Variants in GRK4 observed in about 807,000 individuals in gnomAD.
The protein encoded by GRK4 is G protein-coupled receptor kinase 4, also known as G protein-coupled receptor kinase 2-like.
In GRK4, 73 loss-of-function variants were observed where a neutral mutation model predicts 77.9. The ratio of observed to expected loss-of-function variants is 0.94; its 90% CI spans 0.78 to 1.14. The LOEUF (loss-of-function observed/expected upper bound fraction) is 1.14. GRK4 is among the 50% of genes most tolerant of loss of function. GRK4 has a pLI of 0.00. For missense variants in GRK4, 729 were observed against 700.2 expected, an observed-to-expected ratio of 1.04 and a Z score of -0.46; for synonymous variants, 257 against 254.4, an observed-to-expected ratio of 1.01 and a Z score of -0.10.
intron 9 of GRK4, among the ~76,000 whole-genome samples, chr4:3,020,703 A>G (rs1322572266): frequency 2.6e-5 from 4 of 152,124 alleles, no homozygotes; most frequent in African/African-American, 9.7e-5. Context: ...TGCCAGTTAT[A>G]GTCGGTCCCC....
intron 1 of GRK4, chr4:2,969,209 C>T (rs1718697079): frequency 2.0e-5 from 3 of 152,256 alleles, no homozygotes. Flanking sequence ...CTCAAAGTTG[C>T]CTTTGAAATT....
chr4:2,964,149 C>T (rs1236773432), intron 1 of GRK4, 27 bp downstream of exon 1: 3 of 1,540,174 alleles, frequency 1.9e-6, no homozygotes, highest in Middle Eastern at 2.0e-4. Flanking sequence ...CGCCCCCGAC[C>T]CCCCCCCCAG....
rs377073064 is a variant in GRK4, at chr4:3,025,380, C to T, written c.971-2532C>T. Among the ~76,000 whole-genome samples, 5 of 147,124 alleles carry T rather than the reference C, an allele frequency of 3.4e-5. No homozygotes were observed. In the East Asian group the frequency reaches 5.9e-4, roughly 17 times the overall value. On this transcript the variant is annotated intron_variant, in intron 10 of 15. Transcript: ENST00000398052. ...TCTTAATTTTGCTTTCAATTTTTAGCGATCTAATTTTTTTTTTTTTTTTTT... is the reference window on the plus strand; with the variant it reads ...TCTTAATTTTGCTTTCAATTTTTAGTGATCTAATTTTTTTTTTTTTTTTTT...
chr4:3,023,886 A>G (rs928580408), intron 10 of GRK4, among the ~76,000 whole-genome samples: 18 of 152,200 alleles, frequency 1.2e-4, no homozygotes, highest in African/African-American at 4.3e-4. Flanking sequence ...AAAGCAGGGA[A>G]TTGTGTGTAG....
At chr4:3,034,473 G>A (rs1740048004) in intron 12 of GRK4, among the ~76,000 whole-genome samples, 1 of 152,198 alleles carries the variant, frequency 6.6e-6, no homozygotes, top group South Asian at 2.1e-4. Flanking sequence ...GGTGCCTGTG[G>A]TGGCTGGACT....
intron 10 of GRK4, among the ~76,000 whole-genome samples, chr4:3,024,607 C>T (rs1736935320): frequency 6.6e-6 from 1 of 151,902 alleles, no homozygotes; most frequent in African/African-American, 2.4e-5. Flanking sequence ...TACCTATAAT[C>T]CTAGTACTTT....
At chr4:3,037,640 G>A (rs1741146967) in intron 14 of GRK4, 129 bp downstream of exon 14, 1 of 1,088,536 alleles carries the variant, frequency 9.2e-7, no homozygotes, top group Non-Finnish European at 1.3e-6. Flanking sequence ...AAGACGGCTG[G>A]GCGCAGTGGC....
At chr4:3,000,821 G>A (rs1729327469) in intron 4 of GRK4, among the ~76,000 whole-genome samples, 1 of 152,008 alleles carries the variant, frequency 6.6e-6, no homozygotes, top group Non-Finnish European at 1.5e-5. Flanking sequence ...GCCCACCTCA[G>A]CCTCCCAAAG....
Position 2,986,354 on chromosome 4 carries a change from C to CTTTTTTTTT in GRK4, c.148+1759_148+1767dup, listed in dbSNP as rs36001597. Among the ~76,000 whole-genome samples, 433 of 73,258 alleles carry CTTTTTTTTT rather than the reference C, an allele frequency of 5.9e-3. 25 individuals carry two copies. Among genetic ancestry groups the CTTTTTTTTT allele is most frequent in the African/African-American group, 0.024 (424 of 17,750 alleles). 48.1% of individuals were successfully genotyped at this position (73,258 alleles called of 152,430 possible). ...GTTCTTTATATATAAAAGGTGTTAT[C>CTTTTTTTTT]TTTTTTTTTTTTTTTTTTTTTGAGA... On this transcript the variant is annotated intron_variant, in intron 2 of 15. Transcript: ENST00000398052.
intron 7 of GRK4, among the ~76,000 whole-genome samples, chr4:3,012,093 C>T (rs1733086503): frequency 6.6e-6 from 1 of 152,218 alleles, no homozygotes; most frequent in Non-Finnish European, 1.5e-5. Context: ...CAGCACAGTG[C>T]CTGGCACTCT....
intron 9 of GRK4, among the ~76,000 whole-genome samples, chr4:3,021,774 G>A (rs745844028): frequency 1.3e-5 from 2 of 152,312 alleles, no homozygotes; most frequent in African/African-American, 2.4e-5. Context: ...CGGCTGAGCC[G>A]CTGTGTTTGG....
At chr4:2,980,036 C>T (rs1314504855) in intron 1 of GRK4, among the ~76,000 whole-genome samples, 2 of 152,192 alleles carry the variant, frequency 1.3e-5, no homozygotes, top group African/African-American at 2.4e-5. Flanking sequence ...GACATGTAAG[C>T]AAGAACCCTT....
At position 3,030,756 on chromosome 4, in the gene GRK4, C is replaced by G. The variant is rs541899403; in HGVS notation, c.1269+1347C>G. Among the ~76,000 whole-genome samples the G allele has an allele frequency of 3.9e-5, 6 of 152,246 alleles. No homozygotes were observed. The East Asian group carries it at 1.2e-3, about 29-fold the overall frequency. ...AGGAGGGGGTTAGAGGGGGACGGGACAGAGAGCAGGAAGCCCAGGCCATGC... is the reference window on the plus strand; with the variant it reads ...AGGAGGGGGTTAGAGGGGGACGGGAGAGAGAGCAGGAAGCCCAGGCCATGC... On this transcript the variant is annotated intron_variant, in intron 12 of 15. Transcript: ENST00000398052.
At chr4:2,970,438 T>C (rs929586300) in intron 1 of GRK4, among the ~76,000 whole-genome samples, 3 of 151,996 alleles carry the variant, frequency 2.0e-5, no homozygotes, top group Non-Finnish European at 4.4e-5. Flanking sequence ...GGCGGGCGGA[T>C]CACGAGGTCC....
At chr4:3,012,730 T>A (rs1415145296) in intron 7 of GRK4, among the ~76,000 whole-genome samples, 1 of 152,150 alleles carries the variant, frequency 6.6e-6, no homozygotes, top group Non-Finnish European at 1.5e-5. Context: ...TTTCATGACA[T>A]AAAGTTAAAA....
chr4:3,006,174 G>A (rs1176891148), intron 5 of GRK4, among the ~76,000 whole-genome samples: 2 of 151,992 alleles, frequency 1.3e-5, no homozygotes. Flanking sequence ...GAGGTCAGGA[G>A]TTCGAGACCA....
Position 3,011,134 on chromosome 4 carries a change from C to G in GRK4, c.600+1423C>G, listed in dbSNP as rs189699539. ...TTAATGATCTGCAAATGTAATGACT[C>G]AGATTTTGTGAAAGAACAGAGGAAA... On this transcript the variant is annotated intron_variant, in intron 7 of 15. Coordinates refer to ENST00000398052, the MANE Select transcript of GRK4 (RefSeq NM_182982.3). Among the ~76,000 whole-genome samples the G allele has an allele frequency of 1.1e-3, 175 of 152,252 alleles. 7 individuals are homozygous for G. Among genetic ancestry groups the G allele is most frequent in the Admixed American group, 2.5e-3 (38 of 15,288 alleles).
At chr4:2,987,338 G>A (rs1173613591) in intron 2 of GRK4, among the ~76,000 whole-genome samples, 1 of 152,138 alleles carries the variant, frequency 6.6e-6, no homozygotes, top group African/African-American at 2.4e-5. Flanking sequence ...CCATTCATCA[G>A]TTAATAGACA....
chr4:2,993,491 T>G (rs921207708), intron 4 of GRK4, among the ~76,000 whole-genome samples: 1 of 152,082 alleles, frequency 6.6e-6, no homozygotes, highest in African/African-American at 2.4e-5. Flanking sequence ...CTGGCCAATA[T>G]GGTGAAACCC....
Sources: gnomAD v4.1 joint callset for allele counts (sites outside exome capture counted in the v4.1 genomes callset) on GRCh38, gnomAD v4.1.1 for gene constraint, MANE v1.5 for transcripts, NCBI Gene and HGNC (gene_info 2026-07-23, HGNC 2026-07-21) for gene names.